The following NFE2L2 variants were observed in gnomAD, a reference collection of about 807,000 sequenced individuals.
NFE2L2 encodes the protein nuclear factor erythroid 2-related factor 2.
A neutral mutation model predicts 49.6 loss-of-function variants in NFE2L2; 20 were observed. The observed-to-expected ratio is 0.40, with a 90% CI of 0.28 to 0.59. The LOEUF (loss-of-function observed/expected upper bound fraction) is 0.59, where lower values mean the gene tolerates loss of function less well. Among genes scored for constraint, NFE2L2 ranks in the 20% least tolerant of loss-of-function variants. The pLI is 0.40. For synonymous variants in NFE2L2, 244 were observed against 256.5 expected, an observed-to-expected ratio of 0.95 and a Z score of 0.47; for missense variants, 578 against 714.2, an observed-to-expected ratio of 0.81 and a Z score of 2.17.
At chr2:177,233,680 C>T (rs1037381850) in intron 2 of NFE2L2, 13 of 507,498 alleles carry the variant, frequency 2.6e-5, no homozygotes, top group Admixed American at 1.9e-4. Flanking sequence ...CACACAGTAA[C>T]GCCAGTAATC....
At chr2:177,259,459 T>C (rs1690647083) in intron 1 of NFE2L2, among the ~76,000 whole-genome samples, 1 of 152,174 alleles carries the variant, frequency 6.6e-6, no homozygotes, top group South Asian at 2.1e-4. Flanking sequence ...ATAGTACATA[T>C]GCCGTAAAAA....
Position 177,255,489 on chromosome 2 carries a change from T to C in NFE2L2, c.45+9043A>G, listed in dbSNP as rs574233356. Among the ~76,000 whole-genome samples, 91 of 152,318 alleles carry C rather than the reference T, an allele frequency of 6.0e-4. 1 individual carries two copies. Among genetic ancestry groups the C allele is most frequent in the African/African-American group, 2.1e-3 (86 of 41,576 alleles). On this transcript the variant is annotated intron_variant, in intron 1 of 4. Coordinates refer to ENST00000397062, the MANE Select transcript of NFE2L2 (RefSeq NM_006164.5). The stretch of plus-strand genomic sequence containing the variant: ...CTTGGGAACCAGCAGGAGAAGAACA[T>C]GTGGGTTGGCGAGTGGGGGCACTGC...
chr2:177,255,119 C>T (rs1248277794), intron 1 of NFE2L2, among the ~76,000 whole-genome samples: 3 of 152,242 alleles, frequency 2.0e-5, no homozygotes, highest in Admixed American at 1.3e-4. Context: ...GGGACCCAGA[C>T]TTCCAAGAGT....
At chr2:177,236,688 G>A (rs1208173164) in intron 1 of NFE2L2, among the ~76,000 whole-genome samples, 5 of 152,112 alleles carry the variant, frequency 3.3e-5, no homozygotes, top group Admixed American at 6.5e-5. Flanking sequence ...TTATAAAATG[G>A]CATGGCATTT....
chr2:177,263,691 GC>G, intron 1 of NFE2L2: 9 of 985,510 alleles, frequency 9.1e-6, no homozygotes, highest in Non-Finnish European at 1.1e-5. Flanking sequence ...AGCCCCGGGT[GC>G]CGCCGACTCC....
At chr2:177,236,422 T>TAC (rs1558982155) in intron 1 of NFE2L2, among the ~76,000 whole-genome samples, 3 of 152,240 alleles carry the variant, frequency 2.0e-5, no homozygotes, top group Admixed American at 6.5e-5. Flanking sequence ...TAGTTAGGTA[T>TAC]ACCTCACTAG....
At chr2:177,249,217 C>CATAAATAAATAAATAAATAAATAA (rs71007982) in intron 1 of NFE2L2, among the ~76,000 whole-genome samples, 1 of 145,942 alleles carries the variant, frequency 6.9e-6, no homozygotes, top group East Asian at 2.0e-4. Context: ...ACCCGGTCTC[C>CATAAATAAATAAATAAATAAATAA]ATAAATAAAT....
At chr2:177,254,169 T>A (rs1690436153) in intron 1 of NFE2L2, among the ~76,000 whole-genome samples, 1 of 152,220 alleles carries the variant, frequency 6.6e-6, no homozygotes, top group African/African-American at 2.4e-5. Flanking sequence ...TCCTTGCAGC[T>A]GTAGGTCCGA....
At chr2:177,251,094 G>T (rs1223165405) in intron 1 of NFE2L2, among the ~76,000 whole-genome samples, 1 of 152,192 alleles carries the variant, frequency 6.6e-6, no homozygotes, top group Non-Finnish European at 1.5e-5. Flanking sequence ...GCCATTACTT[G>T]TTTATGTATC....
Position 177,264,644 on chromosome 2 carries a change from C to A in NFE2L2, c.-68G>T, listed in dbSNP as rs1574289997. ...CTGTTCCGGCTGCCGAGGCGCGGCG[C>A]GGACAGGGCGGCTCTGGTGGCGGCG... On this transcript the variant is annotated 5_prime_UTR_variant, in exon 1 of 5. Coordinates refer to ENST00000397062, the MANE Select transcript of NFE2L2 (RefSeq NM_006164.5). The A allele has an allele frequency of 7.3e-7, 1 of 1,363,894 alleles. No individual in the cohort carries two copies. Among genetic ancestry groups the A allele is most frequent in the Non-Finnish European group, 9.6e-7 (1 of 1,043,784 alleles). The allele number at this position is 1,363,894 out of a possible 1,614,324, so 84.5% of individuals were successfully genotyped here.
At chr2:177,262,277 A>G (rs1343582514) in intron 1 of NFE2L2, among the ~76,000 whole-genome samples, 2 of 152,210 alleles carry the variant, frequency 1.3e-5, no homozygotes, top group African/African-American at 4.8e-5. Flanking sequence ...GTCTATTTCA[A>G]TATCAACTTC....
chr2:177,263,018 T>A (rs559895459), intron 1 of NFE2L2, among the ~76,000 whole-genome samples: 2 of 152,360 alleles, frequency 1.3e-5, no homozygotes, highest in South Asian at 4.1e-4. Context: ...TCTTTGGAAT[T>A]AACCGAAAAC....
intron 1 of NFE2L2, among the ~76,000 whole-genome samples, chr2:177,239,533 C>T (rs1384317348): frequency 1.3e-5 from 2 of 151,978 alleles, no homozygotes; most frequent in South Asian, 2.1e-4. Context: ...AAAAATTAGC[C>T]GGGCGTGGTG....
chr2:177,231,365 T>C lies in NFE2L2; in HGVS notation c.1238A>G (p.Gln413Arg). 6.2e-7 allele frequency: 1 copy of C among 1,614,280 alleles called. No individual in the cohort carries two copies. Among genetic ancestry groups the C allele is most frequent in the Admixed American group, 1.7e-5 (1 of 60,030 alleles). The change falls in exon 5 of 5, where the codon CAG becomes CGG. Residue 413 changes from glutamine (Q) to arginine (R), a missense_variant. Gln to Arg is a conservative substitution (Grantham distance 43, BLOSUM62 1). Coordinates refer to ENST00000397062, the MANE Select transcript of NFE2L2 (RefSeq NM_006164.5). ...TTGGGCATCATGCACGTGAGTGCTC[T>C]GCCCCTGAGATGGTGACAAGGGTTG... The part of the protein sequence containing the change: ...MVQPLSPSQG[Q>R]STHVHDAQCE...
intron 1 of NFE2L2, among the ~76,000 whole-genome samples, chr2:177,252,782 T>G (rs1403795939): frequency 1.3e-5 from 2 of 152,206 alleles, no homozygotes; most frequent in East Asian, 1.9e-4. Flanking sequence ...AGAGTTACAA[T>G]GACAGATCCT....
At chr2:177,251,304 T>C (rs1690328942) in intron 1 of NFE2L2, among the ~76,000 whole-genome samples, 4 of 152,212 alleles carry the variant, frequency 2.6e-5, no homozygotes, top group Admixed American at 2.6e-4. Flanking sequence ...GCTCAGTTCC[T>C]GTTTGGATTT....
At chr2:177,247,145 A>G (rs1252652676) in intron 1 of NFE2L2, among the ~76,000 whole-genome samples, 1 of 152,150 alleles carries the variant, frequency 6.6e-6, no homozygotes, top group Non-Finnish European at 1.5e-5. Context: ...AAATAGCCCT[A>G]CATAGAGACT....
chr2:177,251,938 G>A (rs531388243), intron 1 of NFE2L2, among the ~76,000 whole-genome samples: 6 of 145,110 alleles, frequency 4.1e-5, no homozygotes, highest in Admixed American at 7.0e-5. Flanking sequence ...CCCGGGAGGC[G>A]GAGCTTGCAG....
At chr2:177,255,232 C>T (rs538630481) in intron 1 of NFE2L2, among the ~76,000 whole-genome samples, 57 of 152,298 alleles carry the variant, frequency 3.7e-4, no homozygotes, top group Non-Finnish European at 5.7e-4. Flanking sequence ...TCAGGATCAA[C>T]GAGAAGAGAT....
Sources: allele counts gnomAD v4.1 joint callset (sites outside exome capture counted in the v4.1 genomes callset), GRCh38; gene constraint gnomAD v4.1.1; transcripts MANE v1.5; gene names NCBI Gene and HGNC (gene_info 2026-07-23, HGNC 2026-07-21).